The following SLC2A13 variants were observed in gnomAD, a reference collection of about 807,000 sequenced individuals.
SLC2A13 encodes the protein solute carrier family 2 member 13.
In SLC2A13, 32 loss-of-function variants were observed where a neutral mutation model predicts 64.4. The observed-to-expected ratio is 0.50, with a 90% CI of 0.37 to 0.67. The LOEUF (loss-of-function observed/expected upper bound fraction) is 0.67, where lower values mean the gene tolerates loss of function less well. Among genes scored for constraint, SLC2A13 ranks in the 30% least tolerant of loss-of-function variants. The pLI is 0.00. For synonymous variants in SLC2A13, 338 were observed against 327.1 expected, an observed-to-expected ratio of 1.03 and a Z score of -0.36; for missense variants, 743 against 829.2, an observed-to-expected ratio of 0.90 and a Z score of 1.28.
intron 6 of SLC2A13, among the ~76,000 whole-genome samples, chr12:39,847,118 C>T (rs1339970412): frequency 6.6e-6 from 1 of 152,160 alleles, no homozygotes; most frequent in Non-Finnish European, 1.5e-5. Context: ...TGACTTTAGA[C>T]TTCTAATGAG....
chr12:39,953,173 T>C (rs1946261602), intron 3 of SLC2A13, among the ~76,000 whole-genome samples: 1 of 152,124 alleles, frequency 6.6e-6, no homozygotes, highest in Non-Finnish European at 1.5e-5. Flanking sequence ...AGAACAGAAA[T>C]ACAGAACATT....
rs186715004 is a variant in SLC2A13 at position 39,907,408 on chromosome 12, A to G, written c.1035-35447T>C. Among the ~76,000 whole-genome samples the G allele has an allele frequency of 1.8e-3, 272 of 152,270 alleles. 2 individuals are homozygous for G. Among genetic ancestry groups the G allele is most frequent in the Non-Finnish European group, 2.6e-3 (174 of 68,006 alleles). On this transcript the variant is annotated intron_variant, in intron 4 of 9. Transcript: ENST00000280871. The stretch of plus-strand genomic sequence containing the variant: ...GAGTTTACAAGCCAATCCATAATTT[A>G]TAAGACTCCAAAAATCTTTTTGTGT...
chr12:39,939,287 T>C (rs930725385), intron 4 of SLC2A13, among the ~76,000 whole-genome samples: 5 of 152,286 alleles, frequency 3.3e-5, no homozygotes, highest in Non-Finnish European at 7.4e-5. Flanking sequence ...AGGTATGCAA[T>C]ATATACACAG....
chr12:40,105,211 G>A lies in SLC2A13; in HGVS notation c.556+42C>T. ...CGCAACACCCAGGGTCAAGGGCGGT[G>A]ACAATGGGATCCCGGGCGCCCTTCA... On this transcript the variant is annotated intron_variant, in intron 1 of 9. Coordinates refer to ENST00000280871, the MANE Select transcript of SLC2A13 (RefSeq NM_052885.4). The surrounding 1 kb of genome is among the most constrained non-coding windows in gnomAD (Gnocchi z 4.2). 1.3e-6 allele frequency: 2 copies of A among 1,509,752 alleles called. No homozygotes were observed. The highest frequency in any genetic ancestry group is 1.8e-6 in the Non-Finnish European group (2 of 1,132,306). The allele number at this position is 1,509,752 out of a possible 1,614,324, so 93.5% of individuals were successfully genotyped here. A position where few individuals can be genotyped will look rare whatever the true frequency, so the allele number is the denominator to read the frequency against.
intron 1 of SLC2A13, among the ~76,000 whole-genome samples, chr12:40,066,543 C>T (rs576292236): frequency 2.0e-5 from 3 of 152,200 alleles, no homozygotes; most frequent in Admixed American, 6.5e-5. Flanking sequence ...TCACTTATTC[C>T]GAAAATGTTT....
intron 3 of SLC2A13, among the ~76,000 whole-genome samples, chr12:39,959,466 G>A (rs1397982665): frequency 6.6e-6 from 1 of 152,144 alleles, no homozygotes; most frequent in African/African-American, 2.4e-5. Flanking sequence ...TGTTAATCTG[G>A]TCATTATTAT....
At chr12:40,044,029 AAAATTTGTACACAAATGTT>A in intron 2 of SLC2A13, among the ~76,000 whole-genome samples, 1 of 152,332 alleles carries the variant, frequency 6.6e-6, no homozygotes, top group Admixed American at 6.5e-5. Flanking sequence ...TGTCTATCCT[AAAATTTGTACACAAATGTT>A]CATAGCATCA....
chr12:40,048,211 C>T lies in SLC2A13; in HGVS notation c.557-1G>A, dbSNP rs1565604675. 6.3e-7 allele frequency: 1 copy of T among 1,585,726 alleles called. No individual in the cohort carries two copies. Among genetic ancestry groups the T allele is most frequent in the East Asian group, 2.2e-5 (1 of 44,608 alleles). ...ACTGGCACTGTCATAGAAGCAATGC[C>T]TATAAAAACAATGAAAAGTAAATGT... On this transcript the variant is annotated splice_acceptor_variant, in intron 1 of 9. Coordinates refer to ENST00000280871, the MANE Select transcript of SLC2A13 (RefSeq NM_052885.4). LOFTEE classifies it high-confidence loss of function.
intron 7 of SLC2A13, among the ~76,000 whole-genome samples, chr12:39,808,368 A>C (rs990884736): frequency 2.0e-5 from 3 of 152,142 alleles, no homozygotes; most frequent in Non-Finnish European, 2.9e-5. Flanking sequence ...ACATCTACGT[A>C]ATTTCCAATT....
chr12:39,779,116 C>T (rs1417243149), intron 7 of SLC2A13, among the ~76,000 whole-genome samples: 1 of 152,172 alleles, frequency 6.6e-6, no homozygotes, highest in East Asian at 1.9e-4. Context: ...ATCTCAGTGG[C>T]TACTAGCCCC....
At position 39,759,336 on chromosome 12, in the gene SLC2A13, A is replaced by C. The variant is rs1050783180; in HGVS notation, c.*690T>G. On this transcript the variant is annotated 3_prime_UTR_variant, in exon 10 of 10. Coordinates refer to ENST00000280871, the MANE Select transcript of SLC2A13 (RefSeq NM_052885.4). Reference sequence around the variant, plus strand: ...ATGTATGCCTTATCACTGATGCAAAAAAAAGAAGTATGAAAACAACCCGAC... The same window carrying C: ...ATGTATGCCTTATCACTGATGCAAACAAAAGAAGTATGAAAACAACCCGAC... The C allele has an allele frequency of 6.6e-6, 1 of 152,258 alleles. No individual in the cohort carries two copies. The highest frequency in any genetic ancestry group is 2.1e-4 in the South Asian group (1 of 4,836). The allele number at this position is 152,258 out of a possible 1,614,324, so 9.4% of individuals were successfully genotyped here. A position where few individuals can be genotyped will look rare whatever the true frequency, so the allele number is the denominator to read the frequency against.
rs549736042 is a variant in SLC2A13, at chr12:39,779,720, T to G, written c.1446-14862A>C. ...ATCTATGTCTATTTAATTTAAAACG[T>G]GACTGTCTGTGATGGTAAAAGGAGA... On this transcript the variant is annotated intron_variant, in intron 7 of 9. Transcript: ENST00000280871. 9.2e-5 allele frequency among the ~76,000 whole-genome samples: 14 copies of G among 152,338 alleles called. No homozygotes were observed. In the South Asian group the frequency reaches 2.1e-3, roughly 23 times the overall value.
At chr12:39,916,386 T>C (rs1945521657) in intron 4 of SLC2A13, among the ~76,000 whole-genome samples, 1 of 150,450 alleles carries the variant, frequency 6.6e-6, no homozygotes, top group African/African-American at 2.5e-5. Context: ...CCCTGTTCAC[T>C]GCTAAGGAAA....
At chr12:39,971,997 A>AAAAAATATATAT (rs1375405006) in intron 3 of SLC2A13, among the ~76,000 whole-genome samples, 1 of 77,380 alleles carries the variant, frequency 1.3e-5, no homozygotes, top group Non-Finnish European at 2.5e-5. Flanking sequence ...AAAAAAAAAA[A>AAAAAATATATAT]ATATATATAT....
chr12:39,798,830 A>G (rs542470006), intron 7 of SLC2A13, among the ~76,000 whole-genome samples: 1 of 152,190 alleles, frequency 6.6e-6, no homozygotes, highest in East Asian at 1.9e-4. Flanking sequence ...TATTAATTAT[A>G]ATGATGTATA....
In SLC2A13 at chr12:39,787,090, G is replaced by T. The variant is rs187576141; in HGVS notation, c.1446-22232C>A. Among the ~76,000 whole-genome samples the T allele has an allele frequency of 4.1e-3, 627 of 152,240 alleles. 4 individuals are homozygous for T. Among genetic ancestry groups the T allele is most frequent in the African/African-American group, 0.014 (576 of 41,524 alleles). ...TAAACCTCTGATCTATGTATCAGGA[G>T]TGACTCAATCTGGTTAAAAGTTGCA... is the stretch of plus-strand genomic sequence containing the variant. On this transcript the variant is annotated intron_variant, in intron 7 of 9. Coordinates refer to ENST00000280871, the MANE Select transcript of SLC2A13 (RefSeq NM_052885.4).
chr12:39,968,894 A>G (rs1946587865), intron 3 of SLC2A13, among the ~76,000 whole-genome samples: 1 of 150,924 alleles, frequency 6.6e-6, no homozygotes, highest in African/African-American at 2.4e-5. Flanking sequence ...GGTGTGCTGC[A>G]CCCATTAACT....
chr12:39,835,380 C>T (rs1057207995), intron 6 of SLC2A13, among the ~76,000 whole-genome samples: 1 of 152,070 alleles, frequency 6.6e-6, no homozygotes, highest in Non-Finnish European at 1.5e-5. Context: ...TTCTCACAAA[C>T]ATTTACTCTT....
intron 1 of SLC2A13, among the ~76,000 whole-genome samples, chr12:40,102,567 G>A (rs1306852063): frequency 6.6e-6 from 1 of 152,094 alleles, no homozygotes; most frequent in Non-Finnish European, 1.5e-5. Context: ...GTAAACGTGT[G>A]GAGGAAAGAA....
Sources: gnomAD v4.1 joint callset for allele counts (sites outside exome capture counted in the v4.1 genomes callset) on GRCh38, gnomAD v4.1.1 for gene constraint, Gnocchi (gnomAD v3.1) non-coding constraint, MANE v1.5 for transcripts, NCBI Gene and HGNC (gene_info 2026-07-23, HGNC 2026-07-21) for gene names.